The following KCNAB1 variants were observed in gnomAD, a reference collection of about 807,000 sequenced individuals.
The protein encoded by KCNAB1 is voltage-gated potassium channel subunit beta-1.
In KCNAB1, 35 loss-of-function variants were observed where a neutral mutation model predicts 64.6. The ratio of observed to expected loss-of-function variants is 0.54; its 90% CI spans 0.41 to 0.72. The LOEUF is 0.72. Ranked by LOEUF, KCNAB1 falls within the 30% of genes least tolerant of loss-of-function variation. The pLI is 0.00. For synonymous variants in KCNAB1, 177 were observed against 183.8 expected, an observed-to-expected ratio of 0.96 and a Z score of 0.30; for missense variants, 401 against 512.9, an observed-to-expected ratio of 0.78 and a Z score of 2.11.
chr3:156,291,874 T>C (rs1720457372), intron 1 of KCNAB1: 4 of 1,612,344 alleles, frequency 2.5e-6, no homozygotes, highest in Non-Finnish European at 3.4e-6. Flanking sequence ...TGTTCTGGGG[T>C]TCTGAGAGGG....
chr3:156,391,340 T>TG (rs1713024700), intron 1 of KCNAB1, among the ~76,000 whole-genome samples: 1 of 152,196 alleles, frequency 6.6e-6, no homozygotes. Flanking sequence ...ATTCCTAACA[T>TG]GGTATAAGGG....
chr3:156,488,712 A>AGG (rs1257993494), intron 8 of KCNAB1, among the ~76,000 whole-genome samples: 12 of 152,074 alleles, frequency 7.9e-5, no homozygotes, highest in Admixed American at 7.2e-4. Flanking sequence ...CCAGAGTCCT[A>AGG]AGCATTCCCT....
At chr3:156,431,453 G>T (rs1716204885) in intron 2 of KCNAB1, among the ~76,000 whole-genome samples, 1 of 152,174 alleles carries the variant, frequency 6.6e-6, no homozygotes, top group African/African-American at 2.4e-5. Context: ...CTGTGTCTGT[G>T]CCTGCCTCTG....
intron 1 of KCNAB1, among the ~76,000 whole-genome samples, chr3:156,255,573 C>G: frequency 6.6e-6 from 1 of 152,140 alleles, no homozygotes; most frequent in East Asian, 1.9e-4. Context: ...CTCGGAATGC[C>G]CCACACTGCC....
intron 1 of KCNAB1, among the ~76,000 whole-genome samples, chr3:156,370,276 G>A (rs904759082): frequency 6.6e-6 from 1 of 152,208 alleles, no homozygotes; most frequent in African/African-American, 2.4e-5. Context: ...AGGGAAGGAG[G>A]TTTATGGGAC....
intron 8 of KCNAB1, among the ~76,000 whole-genome samples, chr3:156,480,967 A>G (rs889127235): frequency 6.6e-6 from 1 of 152,152 alleles, no homozygotes; most frequent in African/African-American, 2.4e-5. Context: ...AAATAGCTCC[A>G]ACTTCATTTT....
chr3:156,198,501 G>T lies in KCNAB1; in HGVS notation c.275+77615G>T, dbSNP rs181652370. Among the ~76,000 whole-genome samples, 7 of 152,020 alleles carry T rather than the reference G, an allele frequency of 4.6e-5. No individual in the cohort carries two copies. In the East Asian group the frequency reaches 1.4e-3, roughly 29 times the overall value. ...ATTGGGTGCATGTATATTTAGGGTAGTTAGCTCTTCTTGTTGAATTGATCC... is the reference window on the plus strand; with the variant it reads ...ATTGGGTGCATGTATATTTAGGGTATTTAGCTCTTCTTGTTGAATTGATCC... On this transcript the variant is annotated intron_variant, in intron 1 of 13. Coordinates refer to ENST00000490337, the MANE Select transcript of KCNAB1 (RefSeq NM_172160.3).
intron 1 of KCNAB1, among the ~76,000 whole-genome samples, chr3:156,197,874 C>T (rs1033494148): frequency 7.9e-5 from 12 of 151,948 alleles, no homozygotes; most frequent in East Asian, 3.9e-4. Flanking sequence ...CTTTTAATTG[C>T]GATGTTAGGG....
At chr3:156,402,250 A>C (rs1448537131) in intron 1 of KCNAB1, among the ~76,000 whole-genome samples, 1 of 152,206 alleles carries the variant, frequency 6.6e-6, no homozygotes, top group Non-Finnish European at 1.5e-5. Context: ...CGAGACCTTA[A>C]ATACTATCAG....
chr3:156,361,734 T>C (rs898723018), intron 1 of KCNAB1, among the ~76,000 whole-genome samples: 66 of 152,262 alleles, frequency 4.3e-4, no homozygotes, highest in African/African-American at 1.5e-3. Context: ...TTATAGCTCA[T>C]TGGAGCCTTG....
At chr3:156,178,713 A>AT (rs1224608547) in intron 1 of KCNAB1, among the ~76,000 whole-genome samples, 1 of 152,120 alleles carries the variant, frequency 6.6e-6, no homozygotes, top group Non-Finnish European at 1.5e-5. Flanking sequence ...AAGATTTATT[A>AT]TTTTTTGGCC....
chr3:156,512,471 T>G (rs1238293546), intron 8 of KCNAB1, among the ~76,000 whole-genome samples: 2 of 152,234 alleles, frequency 1.3e-5, no homozygotes, highest in African/African-American at 4.8e-5. Context: ...TCAGCATGTT[T>G]GATTCACCAC....
intron 1 of KCNAB1, among the ~76,000 whole-genome samples, chr3:156,223,393 G>A (rs1330606877): frequency 6.6e-6 from 1 of 152,220 alleles, no homozygotes; most frequent in Non-Finnish European, 1.5e-5. Flanking sequence ...CCATTTTACA[G>A]AGAGCCGATT....
Position 156,387,014 on chromosome 3 carries a change from C to CTCTTTTTT in KCNAB1, c.276-34601_276-34600insCTTTTTTT, listed in dbSNP as rs60888308. On this transcript the variant is annotated intron_variant, in intron 1 of 13. Coordinates refer to ENST00000490337, the MANE Select transcript of KCNAB1 (RefSeq NM_172160.3). ...TCTTGCTTGCTTGCTTTCTCTCTCT[C>CTCTTTTTT]TTTTTTTTTTTTTTTTTTTTGCCTG... Among the ~76,000 whole-genome samples, 14 of 90,518 alleles carry CTCTTTTTT rather than the reference C, an allele frequency of 1.5e-4. 1 individual carries two copies. The highest frequency in any genetic ancestry group is 3.4e-4 in the South Asian group (1 of 2,938). 59.4% of individuals were successfully genotyped at this position (90,518 alleles called of 152,430 possible).
At chr3:156,481,240 A>T (rs2108331850) in intron 8 of KCNAB1, among the ~76,000 whole-genome samples, 1 of 152,134 alleles carries the variant, frequency 6.6e-6, no homozygotes, top group South Asian at 2.1e-4. Context: ...ATCAATTAAG[A>T]TTATTTAATG....
intron 1 of KCNAB1, chr3:156,291,833 C>G (rs1329208067): frequency 1.3e-6 from 2 of 1,598,890 alleles, no homozygotes; most frequent in African/African-American, 2.7e-5. Flanking sequence ...GCAGAAATCC[C>G]CGCAACTGCT....
At chr3:156,237,529 C>G (rs1716917578) in intron 1 of KCNAB1, among the ~76,000 whole-genome samples, 1 of 152,110 alleles carries the variant, frequency 6.6e-6, no homozygotes, top group Non-Finnish European at 1.5e-5. Flanking sequence ...CCCCACCTCG[C>G]TCAACTATAC....
intron 1 of KCNAB1, among the ~76,000 whole-genome samples, chr3:156,398,408 T>A (rs968086706): frequency 6.6e-6 from 1 of 151,982 alleles, no homozygotes; most frequent in Non-Finnish European, 1.5e-5. Flanking sequence ...CTGGCTAACA[T>A]GGCGAAACCC....
chr3:156,286,662 C>T (rs1720114246), intron 1 of KCNAB1, among the ~76,000 whole-genome samples: 1 of 152,162 alleles, frequency 6.6e-6, no homozygotes, highest in South Asian at 2.1e-4. Flanking sequence ...TACTCAAAAG[C>T]ATAGGTGATT....
Sources: gnomAD v4.1 joint callset for allele counts (sites outside exome capture counted in the v4.1 genomes callset) on GRCh38, gnomAD v4.1.1 for gene constraint, MANE v1.5 for transcripts, NCBI Gene and HGNC (gene_info 2026-07-23, HGNC 2026-07-21) for gene names.